NXN: variants seen among roughly 807,000 people sequenced by gnomAD.
The protein encoded by NXN is nucleoredoxin.
In NXN, 16 loss-of-function variants were observed where a neutral mutation model predicts 48.6. The observed-to-expected ratio is 0.33, with a 90% CI of 0.22 to 0.50. The LOEUF (loss-of-function observed/expected upper bound fraction) is 0.50, where lower values mean the gene tolerates loss of function less well. Ranked by LOEUF, NXN falls within the 20% of genes least tolerant of loss-of-function variation. NXN has a pLI of 0.98. For missense variants in NXN, 492 were observed against 605.5 expected, an observed-to-expected ratio of 0.81 and a Z score of 1.97; for synonymous variants, 281 against 269.6, an observed-to-expected ratio of 1.04 and a Z score of -0.41.
chr17:831,711 G>A (rs577392358), intron 1 of NXN, among the ~76,000 whole-genome samples: 1 of 151,788 alleles, frequency 6.6e-6, no homozygotes, highest in Non-Finnish European at 1.5e-5. Context: ...TGTTGGCCAG[G>A]CTGGTTTGGA....
intron 1 of NXN, chr17:930,098 G>C (rs1750717685): frequency 6.6e-6 from 1 of 152,132 alleles, no homozygotes; most frequent in African/African-American, 2.4e-5. Flanking sequence ...CTGGAATGGA[G>C]GAGGACTGGT....
rs925337305 is a variant in NXN at position 958,048 on chromosome 17, T to C, written c.360+21271A>G. 5.9e-5 allele frequency among the ~76,000 whole-genome samples: 9 copies of C among 152,162 alleles called. No individual in the cohort carries two copies. Among genetic ancestry groups the C allele is most frequent in the African/African-American group, 2.2e-4 (9 of 41,446 alleles). ...ACATGCATCCTCTCGCTCCATCCTA[T>C]ACTTAGGCGCCTCGGCAGGATCAAA... On this transcript the variant is annotated intron_variant, in intron 1 of 7. Coordinates refer to ENST00000336868, the MANE Select transcript of NXN (RefSeq NM_022463.5). This position sits in a 1 kb window ranked among gnomAD's most constrained non-coding sequence, Gnocchi z 6.9.
chr17:839,197 G>C (rs1329914309), intron 1 of NXN, among the ~76,000 whole-genome samples: 7 of 152,174 alleles, frequency 4.6e-5, no homozygotes, highest in African/African-American at 7.2e-5. Context: ...CATTTTGGGA[G>C]GCCGAGGCGG....
At chr17:823,816 C>T in intron 2 of NXN, 51 bp from the exon 3 acceptor site, 1 of 1,607,500 alleles carries the variant, frequency 6.2e-7, no homozygotes, top group South Asian at 1.1e-5. Context: ...TCTTGATGAC[C>T]TGGGACCCAG....
intron 1 of NXN, chr17:897,016 G>T (rs1252034654): frequency 4.5e-6 from 5 of 1,111,418 alleles, no homozygotes; most frequent in Non-Finnish European, 5.6e-6. Context: ...CTCCGTAATG[G>T]AAACTCCGGC....
intron 1 of NXN, among the ~76,000 whole-genome samples, chr17:949,906 A>C (rs2069090622): frequency 6.6e-6 from 1 of 151,684 alleles, no homozygotes; most frequent in African/African-American, 2.4e-5. Context: ...ACCTTCTGGT[A>C]ACAGTCATTT....
chr17:940,110 TA>T (rs2068954195), intron 1 of NXN, among the ~76,000 whole-genome samples: 1 of 150,210 alleles, frequency 6.7e-6, no homozygotes, highest in Non-Finnish European at 1.5e-5. Context: ...CTAATTTTTG[TA>T]TTTTTTTGGT....
At chr17:954,084 A>G (rs897277611) in intron 1 of NXN, among the ~76,000 whole-genome samples, 4 of 152,160 alleles carry the variant, frequency 2.6e-5, no homozygotes, top group African/African-American at 9.6e-5. Context: ...ATTAGACACG[A>G]TTCTCACTCC....
At chr17:959,806 A>T (rs951683106) in intron 1 of NXN, among the ~76,000 whole-genome samples, 1 of 145,360 alleles carries the variant, frequency 6.9e-6, no homozygotes, top group East Asian at 2.0e-4. Context: ...AAAAAAAAAA[A>T]ACAGGGCTGG....
At chr17:874,226 A>G (rs1409731997) in intron 1 of NXN, among the ~76,000 whole-genome samples, 1 of 152,148 alleles carries the variant, frequency 6.6e-6, no homozygotes, top group African/African-American at 2.4e-5. Flanking sequence ...TTCCCCCATG[A>G]TTGTAAGTTT....
At chr17:848,532 G>GA (rs1387064615) in intron 1 of NXN, among the ~76,000 whole-genome samples, 12 of 152,204 alleles carry the variant, frequency 7.9e-5, no homozygotes, top group Admixed American at 7.9e-4. Flanking sequence ...TGGTCATTAA[G>GA]AAAAAATAAA....
chr17:899,222 T>G (rs2144893217), intron 1 of NXN, among the ~76,000 whole-genome samples: 1 of 152,290 alleles, frequency 6.6e-6, no homozygotes, highest in South Asian at 2.1e-4. Context: ...CCTCCCAAAG[T>G]GCTGGGATTA....
chr17:937,412 AAC>A (rs955418269), intron 1 of NXN, among the ~76,000 whole-genome samples: 1 of 152,142 alleles, frequency 6.6e-6, no homozygotes, highest in Admixed American at 6.6e-5. Context: ...GGACACAAGG[AAC>A]ACACCTGGAG....
chr17:841,666 C>T lies in NXN; in HGVS notation c.361-15588G>A, dbSNP rs867519562. On this transcript the variant is annotated intron_variant, in intron 1 of 7. Coordinates refer to ENST00000336868, the MANE Select transcript of NXN (RefSeq NM_022463.5). ...CTGACCACAGCGCATCTCACGCCGG[C>T]GAGCAGGTCCACCCTGACCATGGCA... Among the ~76,000 whole-genome samples the T allele has an allele frequency of 4.0e-4, 56 of 140,926 alleles. 6 individuals carry two copies. Among genetic ancestry groups the T allele is most frequent in the South Asian group, 4.5e-4 (2 of 4,442 alleles). 92.5% of individuals were successfully genotyped at this position (140,926 alleles called of 152,430 possible). A position where few individuals can be genotyped will look rare whatever the true frequency, so the allele number is the denominator to read the frequency against.
At chr17:846,584 G>C (rs1038207321) in intron 1 of NXN, among the ~76,000 whole-genome samples, 6 of 152,190 alleles carry the variant, frequency 3.9e-5, no homozygotes, top group Admixed American at 2.6e-4. Flanking sequence ...CTTCATTCCT[G>C]ACACAAGTCC....
At position 917,945 on chromosome 17, in the gene NXN, T is replaced by C. The variant is rs1019687369; in HGVS notation, c.360+61374A>G. On this transcript the variant is annotated intron_variant, in intron 1 of 7. Transcript: ENST00000336868. The surrounding 1 kb of genome is among the most constrained non-coding windows in gnomAD (Gnocchi z 4.5). ...GAACCCCTAATGGATAATAATAAAATGTTTACTGAGCTCGTACTTTATGGA... is the reference window on the plus strand; with the variant it reads ...GAACCCCTAATGGATAATAATAAAACGTTTACTGAGCTCGTACTTTATGGA... Among the ~76,000 whole-genome samples, 6 of 152,174 alleles carry C rather than the reference T, an allele frequency of 3.9e-5. No homozygotes were observed. The highest frequency in any genetic ancestry group is 1.5e-5 in the Non-Finnish European group (1 of 68,028).
At chr17:955,641 A>C (rs1343152156) in intron 1 of NXN, among the ~76,000 whole-genome samples, 2 of 149,650 alleles carry the variant, frequency 1.3e-5, no homozygotes, top group African/African-American at 2.5e-5. Flanking sequence ...TCACGCCTGT[A>C]ATCCCAGCAC....
At chr17:846,452 A>T (rs1365101814) in intron 1 of NXN, among the ~76,000 whole-genome samples, 1 of 151,826 alleles carries the variant, frequency 6.6e-6, no homozygotes, top group Non-Finnish European at 1.5e-5. Flanking sequence ...AAGAAAAAAA[A>T]TTTTAAGGAA....
chr17:951,589 G>T (rs1404801748), intron 1 of NXN, among the ~76,000 whole-genome samples: 4 of 151,650 alleles, frequency 2.6e-5, no homozygotes, highest in Non-Finnish European at 5.9e-5. Context: ...GGGGCGGGAG[G>T]GTCTGTCAGC....
Sources: gnomAD v4.1 joint callset for allele counts (sites outside exome capture counted in the v4.1 genomes callset) on GRCh38, gnomAD v4.1.1 for gene constraint, Gnocchi (gnomAD v3.1) non-coding constraint, MANE v1.5 for transcripts, NCBI Gene and HGNC (gene_info 2026-07-23, HGNC 2026-07-21) for gene names.